The following NAV3 variants were observed in gnomAD, a reference collection of about 807,000 sequenced individuals.
NAV3 encodes the protein neuron navigator 3.
A neutral mutation model predicts 244.7 loss-of-function variants in NAV3; 87 were observed. That is an observed-to-expected ratio of 0.36 (90% CI 0.30 to 0.42). The LOEUF (loss-of-function observed/expected upper bound fraction) is 0.42, where lower values mean the gene tolerates loss of function less well. NAV3 is among the 20% of genes least tolerant of loss of function. The pLI is 1.00. For missense variants in NAV3, 2,663 were observed against 2,893.3 expected (o/e 0.92, Z 1.83); for synonymous variants, 1,126 against 1,042.2 (o/e 1.08, Z -1.55).
At chr12:77,750,945 C>G (rs534732823) in intron 2 of NAV3, among the ~76,000 whole-genome samples, 1 of 152,282 alleles carries the variant, frequency 6.6e-6, no homozygotes, top group South Asian at 2.1e-4. Context: ...GTGCCTCTGG[C>G]TACAAGACTT....
chr12:78,071,023 G>T (rs919186296), intron 12 of NAV3, among the ~76,000 whole-genome samples: 7 of 150,604 alleles, frequency 4.6e-5, no homozygotes, highest in Non-Finnish European at 1.0e-4. Flanking sequence ...ACGTGTGCAT[G>T]TGTCTTTATA....
intron 2 of NAV3, among the ~76,000 whole-genome samples, chr12:77,764,517 A>AGG (rs1410610476): frequency 6.6e-6 from 1 of 152,264 alleles, no homozygotes; most frequent in Non-Finnish European, 1.5e-5. Flanking sequence ...TTTCAAGATC[A>AGG]CTTTAATCAA....
chr12:78,051,001 C>G lies in NAV3; in HGVS notation c.2370C>G (p.Val790=), dbSNP rs2137257162. The change falls in exon 11 of 40, where the codon GTC becomes GTG. Residue 790 remains valine, a synonymous_variant. Coordinates refer to ENST00000397909, the MANE Select transcript of NAV3 (RefSeq NM_001024383.2). ...CCACGCCTCTCCGTCGAGCTGCTGTCTCTAGGCTGGGAAACATGTCACAGA... is the reference window on the plus strand; with the variant it reads ...CCACGCCTCTCCGTCGAGCTGCTGTGTCTAGGCTGGGAAACATGTCACAGA... ...MYTTPLRRAA[V]SRLGNMSQID... The G allele has an allele frequency of 6.2e-7, 1 of 1,614,156 alleles. No homozygotes were observed. The highest frequency in any genetic ancestry group is 8.5e-7 in the Non-Finnish European group (1 of 1,180,038).
intron 2 of NAV3, among the ~76,000 whole-genome samples, chr12:77,617,253 C>G (rs1169476189): frequency 6.6e-6 from 1 of 152,024 alleles, no homozygotes; most frequent in African/African-American, 2.4e-5. Context: ...CAGATGTTCC[C>G]CAGTGATCCC....
At chr12:77,584,314 G>A (rs537400956) in intron 2 of NAV3, among the ~76,000 whole-genome samples, 5 of 152,184 alleles carry the variant, frequency 3.3e-5, no homozygotes, top group Admixed American at 6.5e-5. Flanking sequence ...TTCAGCAAAT[G>A]TCTTATGAGG....
At chr12:77,965,075 A>G (rs1427968621) in intron 3 of NAV3, among the ~76,000 whole-genome samples, 1 of 152,280 alleles carries the variant, frequency 6.6e-6, no homozygotes, top group Middle Eastern at 3.4e-3. Context: ...ATTTAGTAAG[A>G]CAGACAATAG....
chr12:77,708,397 G>C (rs1006862938), intron 2 of NAV3, among the ~76,000 whole-genome samples: 1 of 152,124 alleles, frequency 6.6e-6, no homozygotes, highest in African/African-American at 2.4e-5. Context: ...TGAGGGCTCT[G>C]TTCTGTTCCA....
At chr12:77,845,708 C>T (rs978081221) in intron 1 of NAV3, among the ~76,000 whole-genome samples, 86 of 143,550 alleles carry the variant, frequency 6.0e-4, no homozygotes, top group African/African-American at 2.2e-3. Flanking sequence ...GACTGGAGTG[C>T]AATGTCACGA....
intron 2 of NAV3, among the ~76,000 whole-genome samples, chr12:77,725,877 G>A (rs1050192611): frequency 3.3e-5 from 5 of 151,906 alleles, no homozygotes; most frequent in African/African-American, 9.7e-5. Flanking sequence ...CCTAAAGGCT[G>A]CCCTGTCTCT....
chr12:77,934,841 A>G lies in NAV3; in HGVS notation c.244-5478A>G, dbSNP rs1381886615. On this transcript the variant is annotated intron_variant, in intron 1 of 39. Transcript: ENST00000397909. ...TTGAAGGAAAACAATAATGTTTTAA[A>G]TAAGTACAGGGTTAAAATTAGCTCA... Among the ~76,000 whole-genome samples the G allele has an allele frequency of 3.3e-5, 5 of 152,208 alleles. No individual in the cohort carries two copies. In the East Asian group the frequency reaches 7.7e-4, roughly 24 times the overall value.
intron 1 of NAV3, among the ~76,000 whole-genome samples, chr12:77,870,839 C>T (rs1880841259): frequency 6.6e-6 from 1 of 152,196 alleles, no homozygotes; most frequent in Non-Finnish European, 1.5e-5. Context: ...CAAGAGCAGT[C>T]ATCATCCACA....
intron 1 of NAV3, among the ~76,000 whole-genome samples, chr12:77,868,765 A>AAAG (rs1880475342): frequency 6.6e-6 from 1 of 150,408 alleles, no homozygotes; most frequent in African/African-American, 2.4e-5. Flanking sequence ...CAAAAAAAAA[A>AAAG]AAAAAAGAAA....
chr12:77,915,261 C>T (rs768726247), intron 1 of NAV3, among the ~76,000 whole-genome samples: 5 of 151,976 alleles, frequency 3.3e-5, no homozygotes, highest in Non-Finnish European at 7.4e-5. Flanking sequence ...TCACAAATTT[C>T]ACATCACATG....
At chr12:77,931,069 T>TATA (rs140811411) in intron 1 of NAV3, among the ~76,000 whole-genome samples, 71,028 of 150,458 alleles carry the variant, frequency 0.47, 17,253 homozygotes, top group East Asian at 0.64. Flanking sequence ...AATTCTTTCC[T>TATA]ATAATTTTTT....
intron 22 of NAV3, 101 bp from the exon 23 acceptor site, chr12:78,159,102 G>A (rs1044035204): frequency 3.4e-6 from 3 of 876,154 alleles, no homozygotes; most frequent in African/African-American, 1.7e-5. Flanking sequence ...TATTTAAAGA[G>A]TTGGAACACA....
intron 21 of NAV3, among the ~76,000 whole-genome samples, chr12:78,146,949 A>G (rs1336724730): frequency 6.6e-6 from 1 of 152,120 alleles, no homozygotes; most frequent in Non-Finnish European, 1.5e-5. Flanking sequence ...ATACTATTTT[A>G]ATTTCCCTTG....
At chr12:78,065,790 C>A (rs1019401672) in intron 12 of NAV3, among the ~76,000 whole-genome samples, 1 of 151,934 alleles carries the variant, frequency 6.6e-6, no homozygotes, top group East Asian at 1.9e-4. Context: ...AGATAGAAGT[C>A]AACAAAAGGG....
intron 27 of NAV3, 31 bp from the exon 28 acceptor site, chr12:78,177,589 C>T: frequency 1.3e-6 from 2 of 1,580,234 alleles, no homozygotes; most frequent in Non-Finnish European, 1.7e-6. Flanking sequence ...GGCATTTGTC[C>T]ATGTATCTGT....
At chr12:78,166,431 A>AAAG (rs146450582) in intron 23 of NAV3, among the ~76,000 whole-genome samples, 66,645 of 151,214 alleles carry the variant, frequency 0.44, 15,613 homozygotes, top group Non-Finnish European at 0.53. Context: ...CTTTTTAATC[A>AAAG]AAGACTATGG....
Sources: allele counts gnomAD v4.1 joint callset (sites outside exome capture counted in the v4.1 genomes callset), GRCh38; gene constraint gnomAD v4.1.1; transcripts MANE v1.5; gene names NCBI Gene and HGNC (gene_info 2026-07-23, HGNC 2026-07-21).